GRM7: variants seen among roughly 807,000 people sequenced by gnomAD.
GRM7 encodes the protein glutamate metabotropic receptor 7.
In GRM7, 35 loss-of-function variants were observed where a neutral mutation model predicts 84.5. The observed-to-expected ratio is 0.41, with a 90% CI of 0.32 to 0.55. The LOEUF is 0.55. Among genes scored for constraint, GRM7 ranks in the 20% least tolerant of loss-of-function variants. GRM7 has a pLI of 0.19. For missense variants in GRM7, 1,003 were observed against 1,194.6 expected (o/e 0.84, Z 2.36); for synonymous variants, 487 against 455.1 (o/e 1.07, Z -0.89).
At chr3:7,458,121 C>A (rs1698095952) in intron 6 of GRM7, among the ~76,000 whole-genome samples, 1 of 152,188 alleles carries the variant, frequency 6.6e-6, no homozygotes, top group East Asian at 1.9e-4. Context: ...GGTTTATTAT[C>A]TGGGCTATCT....
chr3:7,203,860 T>G (rs1319143249), intron 2 of GRM7, among the ~76,000 whole-genome samples: 1 of 152,234 alleles, frequency 6.6e-6, no homozygotes, highest in Non-Finnish European at 1.5e-5. Flanking sequence ...GCTACAAATT[T>G]AGATATTTGA....
At chr3:7,350,793 C>G (rs960490037) in intron 4 of GRM7, among the ~76,000 whole-genome samples, 2 of 152,002 alleles carry the variant, frequency 1.3e-5, no homozygotes, top group African/African-American at 2.4e-5. Flanking sequence ...CGATGGTGCT[C>G]TGATATTCCA....
intron 5 of GRM7, among the ~76,000 whole-genome samples, chr3:7,419,302 T>A (rs1486556002): frequency 6.6e-6 from 1 of 152,168 alleles, no homozygotes; most frequent in East Asian, 1.9e-4. Flanking sequence ...ACACAGAGTG[T>A]GTGTCCAAGG....
intron 8 of GRM7, among the ~76,000 whole-genome samples, chr3:7,660,767 A>T (rs975249021): frequency 6.8e-6 from 1 of 147,262 alleles, no homozygotes; most frequent in Non-Finnish European, 1.5e-5. Flanking sequence ...GGAACAACAG[A>T]GTATAAGAAA....
At position 7,657,670 on chromosome 3, in the gene GRM7, C is replaced by T. The variant is rs544310711; in HGVS notation, c.2452-22379C>T. 8.4e-4 allele frequency among the ~76,000 whole-genome samples: 128 copies of T among 152,148 alleles called. 2 individuals are homozygous for T. In the South Asian group the frequency reaches 0.024, roughly 28 times the overall value. ...ATGTGGAAGGGTTGAGCTCTCAGAA[C>T]GAATCACACGTTTTTGGAGAGCCTC... On this transcript the variant is annotated intron_variant, in intron 8 of 9. Coordinates refer to ENST00000357716, the MANE Select transcript of GRM7 (RefSeq NM_000844.4).
chr3:7,225,562 A>G (rs1696956937), intron 2 of GRM7, among the ~76,000 whole-genome samples: 1 of 148,036 alleles, frequency 6.8e-6, no homozygotes, highest in African/African-American at 2.4e-5. Flanking sequence ...ATATATTTAT[A>G]TATACAATAT....
At chr3:7,140,225 C>G (rs893007616) in intron 1 of GRM7, among the ~76,000 whole-genome samples, 5 of 151,898 alleles carry the variant, frequency 3.3e-5, no homozygotes, top group Admixed American at 6.6e-5. Flanking sequence ...TCTCATCTTT[C>G]TCATGAGAGA....
chr3:7,163,941 C>T (rs754171762), intron 2 of GRM7, among the ~76,000 whole-genome samples: 26 of 152,192 alleles, frequency 1.7e-4, no homozygotes, highest in African/African-American at 2.4e-5. Context: ...AATTTAACCT[C>T]ATTTCCAGTG....
intron 9 of GRM7, among the ~76,000 whole-genome samples, chr3:7,685,112 G>A (rs1412856754): frequency 6.6e-6 from 1 of 152,190 alleles, no homozygotes; most frequent in Non-Finnish European, 1.5e-5. Flanking sequence ...CCATGGTTGT[G>A]CTTGGGCTAT....
chr3:7,413,880 A>T (rs1169625438), intron 4 of GRM7, among the ~76,000 whole-genome samples: 1 of 152,124 alleles, frequency 6.6e-6, no homozygotes, highest in Non-Finnish European at 1.5e-5. Flanking sequence ...TACCTCAATG[A>T]GCTGGACTCT....
intron 1 of GRM7, among the ~76,000 whole-genome samples, chr3:6,964,010 C>T (rs149069993): frequency 2.3e-4 from 35 of 152,272 alleles, no homozygotes; most frequent in African/African-American, 8.2e-4. Flanking sequence ...CATTTGCTGC[C>T]TCCATATTCT....
At chr3:7,695,953 C>T (rs1449854233) in intron 9 of GRM7, among the ~76,000 whole-genome samples, 3 of 152,164 alleles carry the variant, frequency 2.0e-5, no homozygotes, top group Non-Finnish European at 4.4e-5. Flanking sequence ...TTCGGCTTCT[C>T]AGTTGCACTA....
chr3:7,298,689 C>G lies in GRM7; in HGVS notation c.742C>G (p.Leu248Val). The G allele has an allele frequency of 6.2e-7, 1 of 1,613,090 alleles. No homozygotes were observed. The highest frequency in any genetic ancestry group is 8.5e-7 in the Non-Finnish European group (1 of 1,179,196). ...TGTTTTCTTCTCTTAAACAGGTGGA[C>G]TCTGCATTGCCCAGTCCGTGAGAAT... The part of the protein sequence containing the change: ...FTQISKEAGG[L>V]CIAQSVRIPQ... The change falls in exon 3 of 10, where the codon CTC (leucine) becomes GTC (valine). Residue 248 changes from leucine (L) to valine (V), a missense_variant. Around this residue, in one of 2 missense-constraint regions of GRM7, gnomAD observed 910 missense variants for 1,126.0 expected, o/e 0.81. Transcript: ENST00000357716.
Position 7,647,341 on chromosome 3 carries a change from G to T in GRM7, c.2452-32708G>T, listed in dbSNP as rs139389354. 3.8e-3 allele frequency among the ~76,000 whole-genome samples: 583 copies of T among 152,122 alleles called. 3 individuals are homozygous for T. The highest frequency in any genetic ancestry group is 0.014 in the African/African-American group (565 of 41,490). Reference sequence around the variant, plus strand: ...TCCTGAGAAAGCAGCTTTCTTTTTTGCTGTAGCCCACCTTGCCCACAAATG... The same window carrying T: ...TCCTGAGAAAGCAGCTTTCTTTTTTTCTGTAGCCCACCTTGCCCACAAATG... On this transcript the variant is annotated intron_variant, in intron 8 of 9. Coordinates refer to ENST00000357716, the MANE Select transcript of GRM7 (RefSeq NM_000844.4).
chr3:7,726,017 G>A (rs935269099), intron 9 of GRM7, among the ~76,000 whole-genome samples: 3 of 152,082 alleles, frequency 2.0e-5, no homozygotes, highest in African/African-American at 4.8e-5. Context: ...CATTGTGTGG[G>A]GGAAAAATGA....
chr3:7,375,628 T>C (rs1460436127), intron 4 of GRM7, among the ~76,000 whole-genome samples: 2 of 152,162 alleles, frequency 1.3e-5, no homozygotes, highest in Admixed American at 1.3e-4. Flanking sequence ...TCCATGGGCT[T>C]TGCTGTTCCT....
chr3:7,415,448 A>G (rs754621314), intron 5 of GRM7, among the ~76,000 whole-genome samples: 3 of 152,122 alleles, frequency 2.0e-5, no homozygotes, highest in African/African-American at 4.8e-5. Flanking sequence ...AGTTCCAGCC[A>G]GGAGTATGAA....
intron 4 of GRM7, among the ~76,000 whole-genome samples, chr3:7,384,121 C>T (rs1314672853): frequency 2.6e-5 from 4 of 152,100 alleles, no homozygotes; most frequent in Non-Finnish European, 5.9e-5. Context: ...CTCCACCTCC[C>T]GGGTTCAAGC....
intron 1 of GRM7, among the ~76,000 whole-genome samples, chr3:6,913,739 A>G (rs937419396): frequency 1.3e-5 from 2 of 152,184 alleles, no homozygotes; most frequent in Non-Finnish European, 2.9e-5. Flanking sequence ...TAGCAAAAGT[A>G]GGTATGGGTT....
Sources: allele counts gnomAD v4.1 joint callset (sites outside exome capture counted in the v4.1 genomes callset), GRCh38; gene constraint gnomAD v4.1.1; regional missense constraint gnomAD v4.1.1; transcripts MANE v1.5; gene names NCBI Gene and HGNC (gene_info 2026-07-23, HGNC 2026-07-21).